MBNL1: variants seen among roughly 807,000 people sequenced by gnomAD.
MBNL1 encodes the protein muscleblind-like protein 1.
A neutral mutation model predicts 42.2 loss-of-function variants in MBNL1; 8 were observed. The observed-to-expected ratio is 0.19, with a 90% CI of 0.11 to 0.34. MBNL1 has a LOEUF of 0.34. Among genes scored for constraint, MBNL1 ranks in the 10% least tolerant of loss-of-function variants. MBNL1 has a pLI of 1.00. For synonymous variants in MBNL1, 169 were observed against 173.9 expected, an observed-to-expected ratio of 0.97 and a Z score of 0.22; for missense variants, 309 against 495.3, an observed-to-expected ratio of 0.62 and a Z score of 3.57.
intron 6 of MBNL1, among the ~76,000 whole-genome samples, chr3:152,453,630 C>A (rs1727942283): frequency 3.9e-5 from 6 of 152,146 alleles, no homozygotes. Flanking sequence ...AGCATTATGT[C>A]CTCATATTTG....
chr3:152,377,416 A>T (rs1477720308), intron 2 of MBNL1, among the ~76,000 whole-genome samples: 3 of 151,988 alleles, frequency 2.0e-5, no homozygotes, highest in African/African-American at 7.2e-5. Flanking sequence ...AAGCCCCAAC[A>T]CCTCCACTCG....
chr3:152,424,321 C>G (rs2098861578), intron 3 of MBNL1, among the ~76,000 whole-genome samples: 1 of 152,126 alleles, frequency 6.6e-6, no homozygotes, highest in African/African-American at 2.4e-5. Context: ...CTCCCATTCA[C>G]AATTGCTACA....
chr3:152,380,782 A>C (rs1467832960), intron 2 of MBNL1, among the ~76,000 whole-genome samples: 1 of 152,018 alleles, frequency 6.6e-6, no homozygotes, highest in Non-Finnish European at 1.5e-5. Flanking sequence ...TGTGGATGCC[A>C]CTACACATTT....
At position 152,349,849 on chromosome 3, in the gene MBNL1, C is replaced by G. The variant is rs1480319478; in HGVS notation, c.174+49482C>G. ...GATAGGAAGGTTAGCAGAAAATTAC[C>G]TTGAGATTTATAGTTGGGATGACTA... On this transcript the variant is annotated intron_variant, in intron 2 of 9. Coordinates refer to ENST00000324210, the MANE Select transcript of MBNL1 (RefSeq NM_021038.5). Among the ~76,000 whole-genome samples, 3 of 151,952 alleles carry G rather than the reference C, an allele frequency of 2.0e-5. No individual in the cohort carries two copies. The East Asian group carries it at 5.8e-4, about 29-fold the overall frequency.
intron 2 of MBNL1, among the ~76,000 whole-genome samples, chr3:152,357,219 T>G (rs1395996184): frequency 6.6e-6 from 1 of 152,180 alleles, no homozygotes; most frequent in Non-Finnish European, 1.5e-5. Context: ...TTAGCTACTA[T>G]TCTTAATAGT....
In MBNL1 at chr3:152,462,785, TAA is replaced by T. The variant is rs1027692544; in HGVS notation, c.*420_*421del. The T allele has an allele frequency of 6.6e-6, 1 of 152,194 alleles. No homozygotes were observed. Among genetic ancestry groups the T allele is most frequent in the Non-Finnish European group, 1.5e-5 (1 of 67,988 alleles). The allele number at this position is 152,194 out of a possible 1,614,324, so 9.4% of individuals were successfully genotyped here. ...AGACCAAGATATAATTTTTTAAAAA[TAA>T]GTTTATTTCTTTCAAGGTTTACAAA... On this transcript the variant is annotated 3_prime_UTR_variant, in exon 10 of 10. Coordinates refer to ENST00000324210, the MANE Select transcript of MBNL1 (RefSeq NM_021038.5).
chr3:152,367,810 G>A (rs574560499), intron 2 of MBNL1, among the ~76,000 whole-genome samples: 23 of 152,074 alleles, frequency 1.5e-4, no homozygotes, highest in African/African-American at 5.3e-4. Flanking sequence ...TGTGTCTTTT[G>A]GCTGTGTATA....
At chr3:152,304,269 T>G (rs2061938604) in intron 2 of MBNL1, among the ~76,000 whole-genome samples, 1 of 151,950 alleles carries the variant, frequency 6.6e-6, no homozygotes, top group Non-Finnish European at 1.5e-5. Flanking sequence ...GTCCCAAAGG[T>G]GGTTATAGTT....
At chr3:152,392,727 A>G (rs2097772495) in intron 2 of MBNL1, among the ~76,000 whole-genome samples, 1 of 152,226 alleles carries the variant, frequency 6.6e-6, no homozygotes, top group African/African-American at 2.4e-5. Context: ...GAAGGAAGAT[A>G]TATTACAAAA....
chr3:152,252,850 G>A (rs1172415070), intron 2 of MBNL1, among the ~76,000 whole-genome samples: 1 of 151,978 alleles, frequency 6.6e-6, no homozygotes, highest in African/African-American at 2.4e-5. Flanking sequence ...TCTTTTATAT[G>A]TGATTCTAGA....
At chr3:152,458,949 G>A (rs183366208) in intron 8 of MBNL1, 97 of 195,270 alleles carry the variant, frequency 5.0e-4, no homozygotes, top group Admixed American at 9.0e-4. Flanking sequence ...CTGAAACCAC[G>A]GGGGTGCGTG....
At chr3:152,447,462 CCTT>C (rs1039333621) in intron 5 of MBNL1, among the ~76,000 whole-genome samples, 155 bp from the exon 6 acceptor site, 20 of 146,928 alleles carry the variant, frequency 1.4e-4, no homozygotes, top group East Asian at 4.0e-4. Context: ...TTTTTTTCCT[CCTT>C]AATTTTTTGT....
At chr3:152,279,742 C>G (rs1412400683) in intron 1 of MBNL1, among the ~76,000 whole-genome samples, 1 of 152,090 alleles carries the variant, frequency 6.6e-6, no homozygotes, top group Non-Finnish European at 1.5e-5. Context: ...AGATAATGTA[C>G]TTTCTCACCA....
At chr3:152,269,302 C>G in intron 1 of MBNL1, 1 of 351,468 alleles carries the variant, frequency 2.8e-6, no homozygotes, top group Non-Finnish European at 5.6e-6. Flanking sequence ...CGCTCCTGCG[C>G]CCTTCCCTGC....
Position 152,464,393 on chromosome 3 carries a change from T to TAAAAG in MBNL1, c.*2030_*2034dup, listed in dbSNP as rs1749292293. The stretch of plus-strand genomic sequence containing the variant: ...TTGTTAGTTCTTGTCTAGTTTTCAT[T>TAAAAG]AAAAGAACAAAGATCTTTTATATGG... On this transcript the variant is annotated 3_prime_UTR_variant, in exon 10 of 10. Transcript: ENST00000324210. 6.6e-6 allele frequency: 1 copy of TAAAAG among 152,560 alleles called. No homozygotes were observed. The highest frequency in any genetic ancestry group is 1.5e-5 in the Non-Finnish European group (1 of 67,986). The allele number at this position is 152,560 out of a possible 1,614,324, so 9.5% of individuals were successfully genotyped here.
chr3:152,448,863 A>G (rs1715819202), intron 6 of MBNL1, among the ~76,000 whole-genome samples: 3 of 152,222 alleles, frequency 2.0e-5, no homozygotes, highest in South Asian at 4.1e-4. Flanking sequence ...CGAAGTAACA[A>G]TTAACTACAA....
intron 4 of MBNL1, among the ~76,000 whole-genome samples, chr3:152,435,093 A>G (rs755156612): frequency 2.0e-5 from 3 of 151,000 alleles, no homozygotes; most frequent in Non-Finnish European, 4.4e-5. Context: ...CTTTTGGCAT[A>G]TTTGTCATGA....
intron 3 of MBNL1, among the ~76,000 whole-genome samples, chr3:152,422,071 C>G (rs2098814180): frequency 6.6e-6 from 1 of 151,956 alleles, no homozygotes; most frequent in Non-Finnish European, 1.5e-5. Flanking sequence ...ATCAAATTCA[C>G]ACATAACAAT....
At chr3:152,422,085 A>G (rs2098814473) in intron 3 of MBNL1, among the ~76,000 whole-genome samples, 1 of 152,196 alleles carries the variant, frequency 6.6e-6, no homozygotes, top group Non-Finnish European at 1.5e-5. Context: ...TAACAATATT[A>G]ACCTTAAATG....
Sources: gnomAD v4.1 joint callset for allele counts (sites outside exome capture counted in the v4.1 genomes callset) on GRCh38, gnomAD v4.1.1 for gene constraint, MANE v1.5 for transcripts, NCBI Gene and HGNC (gene_info 2026-07-23, HGNC 2026-07-21) for gene names.